The following PDE1C variants were observed in gnomAD, a reference collection of about 807,000 sequenced individuals.
The protein encoded by PDE1C is dual specificity calcium/calmodulin-dependent 3',5'-cyclic nucleotide phosphodiesterase 1C.
Under a neutral mutation model 93.1 loss-of-function variants are expected in PDE1C, and 62 were observed. That is an observed-to-expected ratio of 0.67 (90% CI 0.54 to 0.82). PDE1C has a LOEUF of 0.82. Ranked by LOEUF, PDE1C falls within the 40% of genes least tolerant of loss-of-function variation. The pLI is 0.00. For missense variants in PDE1C, 742 were observed against 884.6 expected (o/e 0.84, Z 2.04); for synonymous variants, 325 against 310.1 (o/e 1.05, Z -0.50).
intron 2 of PDE1C, among the ~76,000 whole-genome samples, chr7:31,991,595 G>GC (rs1362290522): frequency 1.3e-5 from 2 of 152,238 alleles, no homozygotes; most frequent in African/African-American, 4.8e-5. Flanking sequence ...CTGGGACCGA[G>GC]CAGGTGCTCA....
chr7:32,388,024 T>C (rs1784675431), intron 1 of PDE1C, among the ~76,000 whole-genome samples: 1 of 152,222 alleles, frequency 6.6e-6, no homozygotes, highest in South Asian at 2.1e-4. Context: ...TATGTAACAG[T>C]TTAATGTTAC....
At chr7:32,378,302 TA>T (rs1784469327) in intron 1 of PDE1C, among the ~76,000 whole-genome samples, 1 of 151,200 alleles carries the variant, frequency 6.6e-6, no homozygotes. Context: ...ACCACCTTTG[TA>T]AAAATTGTAT....
At chr7:31,676,953 C>T in the PDE1C span, among the ~76,000 whole-genome samples, 1 of 152,160 alleles carries the variant, frequency 6.6e-6, no homozygotes, top group African/African-American at 2.4e-5. Flanking sequence ...GCATTCCATC[C>T]AGTAACCACA....
At chr7:32,381,487 C>T (rs1784533183) in intron 1 of PDE1C, among the ~76,000 whole-genome samples, 1 of 152,098 alleles carries the variant, frequency 6.6e-6, no homozygotes, top group Non-Finnish European at 1.5e-5. Context: ...TACTTCTGTG[C>T]TCTAACCCCT....
rs544319255 is a variant in PDE1C, at chr7:31,912,835, A to AT, written c.129-31976dup. Among the ~76,000 whole-genome samples, 25 of 150,156 alleles carry AT rather than the reference A, an allele frequency of 1.7e-4. No homozygotes were observed. In the East Asian group the frequency reaches 1.9e-3, roughly 12 times the overall value. On this transcript the variant is annotated intron_variant, in intron 2 of 17. Coordinates refer to ENST00000396191, the MANE Select transcript of PDE1C (RefSeq NM_001191057.4). ...TGGCTAGAAATTATTTGGAAAATAG[A>AT]TTTTTTTTTTGGACACAGAAATGTA...
At chr7:31,905,519 G>GT (rs1255028212) in intron 2 of PDE1C, among the ~76,000 whole-genome samples, 1 of 152,000 alleles carries the variant, frequency 6.6e-6, no homozygotes, top group Non-Finnish European at 1.5e-5. Context: ...AATTTCCCAC[G>GT]TTAACTGGAC....
intron 1 of PDE1C, among the ~76,000 whole-genome samples, chr7:32,264,052 TTAGA>T (rs150550289): frequency 0.022 from 3,295 of 152,234 alleles, 115 homozygotes; most frequent in African/African-American, 0.074. Flanking sequence ...ACCCACCCCC[TTAGA>T]TAGAATATCC....
At chr7:31,668,466 A>G in the PDE1C span, among the ~76,000 whole-genome samples, 2 of 148,062 alleles carry the variant, frequency 1.4e-5, no homozygotes, top group Non-Finnish European at 3.0e-5. Flanking sequence ...GATGCAGTCT[A>G]TCCACGCAAA....
intron 2 of PDE1C, among the ~76,000 whole-genome samples, chr7:32,014,687 A>G (rs1787648338): frequency 1.3e-5 from 2 of 152,020 alleles, no homozygotes; most frequent in Non-Finnish European, 2.9e-5. Context: ...TTCAACTCCC[A>G]CTTATGAGTG....
intron 3 of PDE1C, among the ~76,000 whole-genome samples, chr7:32,098,805 C>A (rs1421393010): frequency 6.6e-6 from 1 of 152,130 alleles, no homozygotes; most frequent in African/African-American, 2.4e-5. Flanking sequence ...ATCACCTTGA[C>A]TATATATTTG....
the PDE1C span, among the ~76,000 whole-genome samples, chr7:31,651,441 G>A: frequency 6.6e-6 from 1 of 152,114 alleles, no homozygotes; most frequent in South Asian, 2.1e-4. Flanking sequence ...GTCTGTGAGA[G>A]CCATTTGCTA....
intron 17 of PDE1C, among the ~76,000 whole-genome samples, chr7:31,755,014 G>A (rs991372501): frequency 4.6e-5 from 7 of 152,184 alleles, no homozygotes; most frequent in Admixed American, 1.3e-4. Context: ...GACGGTCATC[G>A]AAGTAACCTT....
chr7:31,831,483 C>CACAG (rs1790384407), intron 11 of PDE1C, among the ~76,000 whole-genome samples: 1 of 124,738 alleles, frequency 8.0e-6, no homozygotes, highest in Non-Finnish European at 1.7e-5. Context: ...AAGGCACACA[C>CACAG]ACACACACAT....
chr7:31,651,032 G>A, the PDE1C span: 2 of 1,211,450 alleles, frequency 1.7e-6, no homozygotes, highest in Non-Finnish European at 2.3e-6. Flanking sequence ...TAGCAGTAGG[G>A]CCTGTTTGCG....
At chr7:31,801,669 TGTAAAAAA>T (rs1786062985) in intron 16 of PDE1C, among the ~76,000 whole-genome samples, 1 of 151,466 alleles carries the variant, frequency 6.6e-6, no homozygotes, top group Non-Finnish European at 1.5e-5. Context: ...GGTGCATAAA[TGTAAAAAA>T]TGATTATATT....
intron 2 of PDE1C, among the ~76,000 whole-genome samples, chr7:32,170,259 G>A (rs185490202): frequency 1.7e-4 from 26 of 152,118 alleles, no homozygotes; most frequent in African/African-American, 5.8e-4. Flanking sequence ...TTCAGCAGTT[G>A]GAAATATATA....
At chr7:32,384,506 T>C in intron 1 of PDE1C, among the ~76,000 whole-genome samples, 1 of 152,112 alleles carries the variant, frequency 6.6e-6, no homozygotes. Context: ...AGAGAAAGAA[T>C]ATGCCAGGCA....
the PDE1C span, among the ~76,000 whole-genome samples, chr7:31,687,882 A>T: frequency 2.0e-5 from 3 of 152,180 alleles, no homozygotes; most frequent in Non-Finnish European, 4.4e-5. Context: ...AGACCTGATT[A>T]CTTTGGGGGA....
intron 1 of PDE1C, among the ~76,000 whole-genome samples, chr7:32,378,771 A>C (rs1784478048): frequency 6.6e-6 from 1 of 151,988 alleles, no homozygotes; most frequent in Non-Finnish European, 1.5e-5. Context: ...AGCAGCAAGT[A>C]CCCATTTCCT....
Sources: allele counts gnomAD v4.1 joint callset (sites outside exome capture counted in the v4.1 genomes callset), GRCh38; gene constraint gnomAD v4.1.1; transcripts MANE v1.5; gene names NCBI Gene and HGNC (gene_info 2026-07-23, HGNC 2026-07-21).